KIAA0586: variants seen among roughly 807,000 people sequenced by gnomAD.
KIAA0586 encodes the protein protein TALPID3.
KIAA0586 carries 144 observed loss-of-function variants against 169.8 expected under a neutral mutation model. The ratio of observed to expected loss-of-function variants is 0.85; its 90% CI spans 0.74 to 0.97. The LOEUF is 0.97. KIAA0586 is among the 50% of genes least tolerant of loss of function. The probability of loss-of-function intolerance (pLI) is 0.00; values close to 1 mark genes in which losing one functional copy is unlikely to be tolerated. For synonymous variants in KIAA0586, 625 were observed against 612.4 expected, an observed-to-expected ratio of 1.02 and a Z score of -0.30; for missense variants, 1,854 against 1,823.0, an observed-to-expected ratio of 1.02 and a Z score of -0.31.
chr14:58,433,719 A>G (rs1307398750), intron 4 of KIAA0586, among the ~76,000 whole-genome samples: 1 of 152,240 alleles, frequency 6.6e-6, no homozygotes, highest in Non-Finnish European at 1.5e-5. Context: ...ATAATTTCTT[A>G]TAAAAGCTGA....
intron 29 of KIAA0586, among the ~76,000 whole-genome samples, chr14:58,537,777 A>T (rs541099191): frequency 2.0e-5 from 3 of 152,064 alleles, no homozygotes; most frequent in East Asian, 3.9e-4. Flanking sequence ...CCTCCCGAGT[A>T]GCTGGGACTA....
Position 58,503,845 on chromosome 14 carries a change from A to G in KIAA0586, c.4169-4710A>G, listed in dbSNP as rs532915147. 1.6e-4 allele frequency among the ~76,000 whole-genome samples: 24 copies of G among 152,202 alleles called. No homozygotes were observed. The South Asian group carries it at 4.6e-3, about 29-fold the overall frequency. ...AAAAAAGCAAGGGTTAATCGTGGAA[A>G]TGCAGTGTTTTTGTCAAAGAATTAG... is the stretch of plus-strand genomic sequence containing the variant. On this transcript the variant is annotated intron_variant, in intron 27 of 30. Transcript: ENST00000652326.
intron 19 of KIAA0586, among the ~76,000 whole-genome samples, chr14:58,476,540 G>C (rs1489355542): frequency 6.6e-6 from 1 of 152,040 alleles, no homozygotes; most frequent in Admixed American, 6.6e-5. Context: ...ATTGGCCCAA[G>C]TCTTATTTTG....
rs753972803 is a variant in KIAA0586, at chr14:58,477,200, T to C, written c.2903T>C (p.Val968Ala). The change falls in exon 20 of 31, where the codon GTT becomes GCT. Residue 968 changes from valine (V) to alanine (A), a missense_variant. By Grantham distance (64) the Val-to-Ala change is moderately conservative. Coordinates refer to ENST00000652326, the MANE Select transcript of KIAA0586 (RefSeq NM_001329943.3). ...VQQQIAPSISVSVSETSEPLT... is the reference protein window; with the variant it reads ...VQQQIAPSISASVSETSEPLT... ...CAACAGATTGCACCTAGTATCAGTGTTTCAGTCAGTGAGACAAGTGAACCA... is the reference window on the plus strand; with the variant it reads ...CAACAGATTGCACCTAGTATCAGTGCTTCAGTCAGTGAGACAAGTGAACCA... 24 of 1,578,720 alleles carry C rather than the reference T, an allele frequency of 1.5e-5. No homozygotes were observed. In the Admixed American group the frequency reaches 4.3e-4, roughly 28 times the overall value.
intron 22 of KIAA0586, among the ~76,000 whole-genome samples, chr14:58,487,607 C>CA (rs1250176312): frequency 9.9e-4 from 110 of 111,340 alleles, no homozygotes; most frequent in Middle Eastern, 0.011. Flanking sequence ...CTCCGTCTCA[C>CA]AAAAAAAAAA....
chr14:58,484,973 C>T (rs1225507280), intron 21 of KIAA0586, among the ~76,000 whole-genome samples: 1 of 94,964 alleles, frequency 1.1e-5, no homozygotes, highest in Admixed American at 1.3e-4. Context: ...TTGCTCATGT[C>T]GCCCAGGCTG....
intron 26 of KIAA0586, among the ~76,000 whole-genome samples, chr14:58,494,430 T>C (rs1458654702): frequency 6.6e-6 from 1 of 152,030 alleles, no homozygotes; most frequent in Non-Finnish European, 1.5e-5. Context: ...TTTTTTTTTC[T>C]TTTTTAAACT....
At chr14:58,492,366 ATTTTGG>A in intron 26 of KIAA0586, 91 bp downstream of exon 26, 1 of 1,262,584 alleles carries the variant, frequency 7.9e-7, no homozygotes, top group Non-Finnish European at 1.1e-6. Context: ...GCATGCTAGT[ATTTTGG>A]TTTTTTCAAG....
At position 58,430,712 on chromosome 14, in the gene KIAA0586, A is replaced by G. The variant is rs770383549; in HGVS notation, c.335A>G (p.Gln112Arg). The change falls in exon 3 of 31, where the codon CAA (glutamine) becomes CGA (arginine). Residue 112 changes from glutamine (Q) to arginine (R), a missense_variant. Transcript: ENST00000652326. Reference sequence around the variant, plus strand: ...GATAAAATAGAAGAGAACAACAAGCAAAAAGGTAAAAGAATAATATTGATT... The same window carrying G: ...GATAAAATAGAAGAGAACAACAAGCGAAAAGGTAAAAGAATAATATTGATT... ...PLDKIEENNK[Q>R]KANDIFISQY... The G allele has an allele frequency of 6.4e-7, 1 of 1,567,780 alleles. No individual in the cohort carries two copies. Among genetic ancestry groups the G allele is most frequent in the East Asian group, 2.2e-5 (1 of 44,460 alleles).
At chr14:58,496,590 G>C (rs898787215) in intron 26 of KIAA0586, among the ~76,000 whole-genome samples, 2 of 152,140 alleles carry the variant, frequency 1.3e-5, no homozygotes, top group East Asian at 3.8e-4. Flanking sequence ...AGAAGAGTCA[G>C]GCTAAGGGAA....
chr14:58,471,691 G>C (rs1203594786), intron 17 of KIAA0586, among the ~76,000 whole-genome samples: 2 of 152,010 alleles, frequency 1.3e-5, no homozygotes, highest in South Asian at 4.2e-4. Context: ...GTGATAACAA[G>C]CAATAAATTT....
chr14:58,441,140 TA>T (rs2038320500), intron 4 of KIAA0586: 1 of 218,140 alleles, frequency 4.6e-6, no homozygotes, highest in African/African-American at 2.3e-5. Context: ...TAAAGTGGGA[TA>T]AAAAATAGTC....
At chr14:58,481,544 CTGT>C (rs1274713079) in intron 20 of KIAA0586, among the ~76,000 whole-genome samples, 2 of 152,072 alleles carry the variant, frequency 1.3e-5, no homozygotes, top group Admixed American at 6.5e-5. Context: ...ACAGAGTTTC[CTGT>C]TGTTATACTC....
rs760595205 is a variant in KIAA0586, at chr14:58,467,932, G to A, written c.2442+10G>A. 5 of 1,566,714 alleles carry A rather than the reference G, an allele frequency of 3.2e-6. No homozygotes were observed. The highest frequency in any genetic ancestry group is 4.3e-6 in the Non-Finnish European group (5 of 1,160,086). On this transcript the variant is annotated intron_variant, in intron 16 of 30. Coordinates refer to ENST00000652326, the MANE Select transcript of KIAA0586 (RefSeq NM_001329943.3). ...TCAGCTTACTGTGCAGGTATGCCAGGGTGCATGAGTAGAAAATTTTAAGGA... is the reference window on the plus strand; with the variant it reads ...TCAGCTTACTGTGCAGGTATGCCAGAGTGCATGAGTAGAAAATTTTAAGGA...
chr14:58,514,051 A>G (rs2044581038), intron 29 of KIAA0586, among the ~76,000 whole-genome samples: 1 of 152,098 alleles, frequency 6.6e-6, no homozygotes, highest in African/African-American at 2.4e-5. Context: ...AAACAAATAA[A>G]TACCAGTGGG....
At chr14:58,493,801 G>T (rs554949315) in intron 26 of KIAA0586, among the ~76,000 whole-genome samples, 44 of 152,118 alleles carry the variant, frequency 2.9e-4, no homozygotes, top group African/African-American at 1.0e-3. Flanking sequence ...AAGATGATTA[G>T]TATCGAAACC....
At chr14:58,432,630 T>C (rs2037473325) in intron 4 of KIAA0586, among the ~76,000 whole-genome samples, 173 bp downstream of exon 4, 1 of 152,218 alleles carries the variant, frequency 6.6e-6, no homozygotes, top group Admixed American at 6.5e-5. Flanking sequence ...AGTTAGCAGT[T>C]ATTATTATGG....
rs767518983 is a variant in KIAA0586, at chr14:58,469,296, AG to A, written c.2443-1316del. Among the ~76,000 whole-genome samples the A allele has an allele frequency of 7.9e-5, 12 of 152,312 alleles. No homozygotes were observed. In the East Asian group the frequency reaches 1.5e-3, roughly 20 times the overall value. ...TATTCCCGGCCCTGTGCTTGATAGG[AG>A]CAAATGCACAATAAAGCCCTGGCTG... On this transcript the variant is annotated intron_variant, in intron 16 of 30. Transcript: ENST00000652326.
chr14:58,557,501 C>T, the KIAA0586 span, among the ~76,000 whole-genome samples: 3 of 152,334 alleles, frequency 2.0e-5, no homozygotes, highest in East Asian at 5.8e-4. Flanking sequence ...CAGCCTGCTG[C>T]TGGAGCTCTG....
Sources: gnomAD v4.1 joint callset for allele counts (sites outside exome capture counted in the v4.1 genomes callset) on GRCh38, gnomAD v4.1.1 for gene constraint, MANE v1.5 for transcripts, NCBI Gene and HGNC (gene_info 2026-07-23, HGNC 2026-07-21) for gene names.